The following SMG5 variants were observed in gnomAD, a reference collection of about 807,000 sequenced individuals.
The protein encoded by SMG5 is SMG5 nonsense mediated mRNA decay factor.
SMG5 carries 53 observed loss-of-function variants against 122.9 expected under a neutral mutation model. The ratio of observed to expected loss-of-function variants is 0.43; its 90% CI spans 0.35 to 0.54. The LOEUF (loss-of-function observed/expected upper bound fraction) is 0.54. SMG5 is among the 20% of genes least tolerant of loss of function. The probability of loss-of-function intolerance (pLI) is 0.01; values close to 1 mark genes in which losing one functional copy is unlikely to be tolerated. For synonymous variants in SMG5, 477 were observed against 490.2 expected (o/e 0.97, Z 0.35); for missense variants, 1,153 against 1,285.6 (o/e 0.90, Z 1.58).
chr1:156,270,009 C>T (rs938680771), intron 7 of SMG5, among the ~76,000 whole-genome samples: 1 of 152,214 alleles, frequency 6.6e-6, no homozygotes, highest in African/African-American at 2.4e-5. Context: ...CATTGCACAC[C>T]AGCCTAGGCG....
At chr1:156,260,090 T>C (rs980716360) in intron 15 of SMG5, among the ~76,000 whole-genome samples, 1 of 152,134 alleles carries the variant, frequency 6.6e-6, no homozygotes, top group African/African-American at 2.4e-5. Context: ...TAACTTTCTA[T>C]GATTGTTTGA....
At chr1:156,281,339 G>C (rs937223886) in intron 1 of SMG5, among the ~76,000 whole-genome samples, 1 of 152,180 alleles carries the variant, frequency 6.6e-6, no homozygotes, top group Non-Finnish European at 1.5e-5. Flanking sequence ...CCAAAAGCTG[G>C]AGACAAGGAA....
chr1:156,258,286 T>C (rs1387987254), intron 16 of SMG5, among the ~76,000 whole-genome samples: 2 of 152,228 alleles, frequency 1.3e-5, no homozygotes. Flanking sequence ...GGCACACACA[T>C]GTGCCATAAG....
intron 2 of SMG5, 100 bp downstream of exon 2, chr1:156,278,836 A>G (rs1414357163): frequency 9.6e-6 from 9 of 934,920 alleles, no homozygotes; most frequent in South Asian, 1.4e-5. Context: ...CCATGAGGTC[A>G]GGAGGTAAAA....
the SMG5 span, chr1:156,291,473 A>G: frequency 3.1e-6 from 5 of 1,613,004 alleles, no homozygotes; most frequent in Non-Finnish European, 4.2e-6. Flanking sequence ...GTCGATGCTG[A>G]TGTGGAACCT....
chr1:156,271,067 A>AT (rs2101549155), intron 7 of SMG5, among the ~76,000 whole-genome samples: 1 of 152,270 alleles, frequency 6.6e-6, no homozygotes, highest in South Asian at 2.1e-4. Context: ...CCTAGTAACG[A>AT]TACTTAAGAA....
rs1343908066 is a variant in SMG5 at position 156,282,718 on chromosome 1, C to T, written c.-38G>A. 1 of 1,567,972 alleles carries T rather than the reference C, an allele frequency of 6.4e-7. No individual in the cohort carries two copies. The highest frequency in any genetic ancestry group is 1.1e-5 in the South Asian group (1 of 87,562). ...CGGGGGCAGCTCCCGGTCACAGGCC[C>T]CTGCCACCCACCACTACCGCCAACA... On this transcript the variant is annotated 5_prime_UTR_variant, in exon 1 of 22. Coordinates refer to ENST00000361813, the MANE Select transcript of SMG5 (RefSeq NM_015327.3).
intron 7 of SMG5, among the ~76,000 whole-genome samples, chr1:156,271,687 C>T (rs1024631080): frequency 2.0e-5 from 3 of 148,346 alleles, no homozygotes; most frequent in African/African-American, 5.0e-5. Flanking sequence ...GATTCTCCTG[C>T]GTTCAAGTGA....
At position 156,250,854 on chromosome 1, in the gene SMG5, C is replaced by T; in HGVS notation, c.2967+4G>A. 1 of 1,613,818 alleles carries T rather than the reference C, an allele frequency of 6.2e-7. No individual in the cohort carries two copies. The highest frequency in any genetic ancestry group is 8.5e-7 in the Non-Finnish European group (1 of 1,179,838). On this transcript the variant is annotated splice_donor_region_variant and intron_variant, in intron 21 of 21. Transcript: ENST00000361813. ...ACCATCCCCCCACCTCACCCATGAC[C>T]CACCTGCATGGGGCCTGAAAGCACG...
At chr1:156,272,845 T>A (rs1279426083) in intron 6 of SMG5, among the ~76,000 whole-genome samples, 1 of 152,016 alleles carries the variant, frequency 6.6e-6, no homozygotes, top group South Asian at 2.1e-4. Context: ...ATTACAAACG[T>A]TGAGCCACCG....
intron 1 of SMG5, among the ~76,000 whole-genome samples, chr1:156,280,443 G>A (rs1003434956): frequency 2.0e-5 from 3 of 152,224 alleles, no homozygotes; most frequent in African/African-American, 7.2e-5. Context: ...AGCAGAGTAG[G>A]TGGGATGGTA....
intron 1 of SMG5, among the ~76,000 whole-genome samples, chr1:156,282,265 G>A (rs1190608464): frequency 6.6e-6 from 1 of 152,024 alleles, no homozygotes; most frequent in Non-Finnish European, 1.5e-5. Flanking sequence ...TTCCCTTCCG[G>A]GTTTTTCTAC....
chr1:156,273,728 T>C (rs1201690073), intron 5 of SMG5, among the ~76,000 whole-genome samples: 10 of 148,190 alleles, frequency 6.7e-5, no homozygotes, highest in African/African-American at 2.0e-4. Flanking sequence ...CTTTTTTTTT[T>C]TTTTTTTTTT....
At chr1:156,285,207 C>G (rs1339846030), upstream of SMG5, 4 of 1,522,666 alleles carry the variant, frequency 2.6e-6, no homozygotes, top group African/African-American at 4.2e-5. Flanking sequence ...TGTGGTAGAT[C>G]CCAGAACTGA....
At chr1:156,272,733 T>C (rs1662491578) in intron 6 of SMG5, among the ~76,000 whole-genome samples, 1 of 152,066 alleles carries the variant, frequency 6.6e-6, no homozygotes, top group South Asian at 2.1e-4. Context: ...CCCACCACCA[T>C]GCCCGGCTAA....
chr1:156,251,567 G>A, intron 19 of SMG5, 90 bp from the exon 20 acceptor site: 1 of 1,319,244 alleles, frequency 7.6e-7, no homozygotes, highest in Non-Finnish European at 1.1e-6. Flanking sequence ...TGGGGGCCTG[G>A]TTTTGCAGGC....
At chr1:156,270,968 T>C (rs968600636) in intron 7 of SMG5, among the ~76,000 whole-genome samples, 9 of 151,472 alleles carry the variant, frequency 5.9e-5, no homozygotes, top group Middle Eastern at 3.4e-3. Flanking sequence ...GATCATGCCA[T>C]TGCACTCCAG....
chr1:156,260,026 G>A (rs1461943947), intron 15 of SMG5, among the ~76,000 whole-genome samples: 1 of 152,202 alleles, frequency 6.6e-6, no homozygotes, highest in African/African-American at 2.4e-5. Flanking sequence ...TGGTGATGGA[G>A]ATTTAAGGGT....
At position 156,265,805 on chromosome 1, in the gene SMG5, CCCCATT is replaced by C; in HGVS notation, c.1825_1830del (p.Asn609_Gly610del). On this transcript the variant is annotated inframe_deletion, in exon 12 of 22. Transcript: ENST00000361813. ...CCTGGCTCTGAAGGCTTGTCTACAT[CCCCATT>C]GACGCAAGGCCTGTGGCTGGCCGAG... is the stretch of plus-strand genomic sequence containing the variant. The C allele has an allele frequency of 1.2e-6, 2 of 1,613,940 alleles. No individual in the cohort carries two copies. The highest frequency in any genetic ancestry group is 8.5e-7 in the Non-Finnish European group (1 of 1,179,904).
Sources: allele counts gnomAD v4.1 joint callset (sites outside exome capture counted in the v4.1 genomes callset), GRCh38; gene constraint gnomAD v4.1.1; transcripts MANE v1.5; gene names NCBI Gene and HGNC (gene_info 2026-07-23, HGNC 2026-07-21).